Variants in MTCL1 observed in about 807,000 individuals in gnomAD.
The protein encoded by MTCL1 is microtubule cross-linking factor 1.
MTCL1 carries 79 observed loss-of-function variants against 141.4 expected under a neutral mutation model. The observed-to-expected ratio is 0.56, with a 90% confidence interval of 0.47 to 0.67. MTCL1 has a LOEUF of 0.67. Among genes scored for constraint, MTCL1 ranks in the 30% least tolerant of loss-of-function variants. The pLI, the probability that MTCL1 is intolerant of heterozygous loss-of-function variation, is 0.00. For synonymous variants in MTCL1, 914 were observed against 875.8 expected (o/e 1.04, Z -0.77); for missense variants, 2,177 against 2,113.9 (o/e 1.03, Z -0.59).
At chr18:8,827,225 G>T (rs938922820) in intron 15 of MTCL1, among the ~76,000 whole-genome samples, 1 of 152,220 alleles carries the variant, frequency 6.6e-6, no homozygotes, top group African/African-American at 2.4e-5. Context: ...CTGCTTCCTC[G>T]CCAGGACCCA....
intron 4 of MTCL1, among the ~76,000 whole-genome samples, chr18:8,757,437 C>T (rs1173376101): frequency 6.6e-6 from 1 of 152,122 alleles, no homozygotes; most frequent in Non-Finnish European, 1.5e-5. Context: ...ACAGGTGATT[C>T]ACCTCCAAAA....
chr18:8,825,419 A>C, exon 15 of MTCL1: 1 of 1,548,888 alleles, frequency 6.5e-7, no homozygotes. Flanking sequence ...GCGAGCTGCA[A>C]GTCAAGGACA....
Position 8,796,246 on chromosome 18 carries a change from C to T in MTCL1, c.2025C>T (p.His675=), listed in dbSNP as rs754372849. 2.0e-5 allele frequency: 33 copies of T among 1,614,018 alleles called. No homozygotes were observed. The African/African-American group carries it at 3.7e-4, about 18-fold the overall frequency. The change falls in exon 9 of 17, where the codon CAC becomes CAT. Residue 675 remains histidine, a synonymous_variant. Transcript: ENST00000359865. ...TTCCATTCAAGATGGAGGAGGAGCA[C>T]CTCTATGCCTTGAGGTGGAAAGAAC...
chr18:8,767,641 A>G (rs1297083943), intron 4 of MTCL1, among the ~76,000 whole-genome samples: 1 of 152,176 alleles, frequency 6.6e-6, no homozygotes, highest in Non-Finnish European at 1.5e-5. Flanking sequence ...GGGGTCCATC[A>G]GTCTTGTCCA....
At chr18:8,803,030 C>A (rs2076173345) in intron 10 of MTCL1, among the ~76,000 whole-genome samples, 1 of 152,006 alleles carries the variant, frequency 6.6e-6, no homozygotes, top group Non-Finnish European at 1.5e-5. Context: ...GGGGTACCAC[C>A]AGGGGAAGAA....
chr18:8,774,449 CTTTCTTTT>C, intron 4 of MTCL1, among the ~76,000 whole-genome samples: 1 of 71,998 alleles, frequency 1.4e-5, no homozygotes, highest in Non-Finnish European at 2.7e-5. Flanking sequence ...TCTGGTCTTT[CTTTCTTTT>C]CTTTCTTTTC....
At chr18:8,737,952 G>A (rs1035074978) in intron 4 of MTCL1, among the ~76,000 whole-genome samples, 2 of 152,168 alleles carry the variant, frequency 1.3e-5, no homozygotes, top group Non-Finnish European at 2.9e-5. Flanking sequence ...CAGTCTCGCC[G>A]GAGTGTGTTG....
In MTCL1 at chr18:8,825,216, A is replaced by C. The variant is rs751385475; in HGVS notation, c.3706A>C (p.Ser1236Arg). 2.5e-5 allele frequency: 40 copies of C among 1,595,968 alleles called. No individual in the cohort carries two copies. The highest frequency in any genetic ancestry group is 3.2e-5 in the Non-Finnish European group (38 of 1,171,528). Residue 1236 changes from serine (S) to arginine (R), a missense_variant, in exon 15 of 17, where the codon AGC becomes CGC. Coordinates refer to ENST00000359865, the Ensembl canonical transcript of MTCL1. ...GGGAGGCCCTCCAGAACCCATGCTC[A>C]GCAGGTGGCCTTGCACCTCCCCCAG...
chr18:8,738,612 A>C (rs1006058585), intron 4 of MTCL1, among the ~76,000 whole-genome samples: 1 of 152,192 alleles, frequency 6.6e-6, no homozygotes, highest in African/African-American at 2.4e-5. Context: ...TAGAAAATAG[A>C]GACACTTCTT....
Position 8,719,374 on chromosome 18 carries a change from C to T in MTCL1, c.198+726C>T, listed in dbSNP as rs563588375. ...TTTGTAATTCTACCAAAGTTATAAA[C>T]CACTGACAAAATGTCATTCAGTGTG... On this transcript the variant is annotated intron_variant, in intron 3 of 16. Transcript: ENST00000359865. Among the ~76,000 whole-genome samples, 11 of 152,256 alleles carry T rather than the reference C, an allele frequency of 7.2e-5. No homozygotes were observed. The East Asian group carries it at 1.9e-3, about 27-fold the overall frequency.
At chr18:8,781,452 A>G (rs1208914758) in intron 5 of MTCL1, among the ~76,000 whole-genome samples, 4 of 152,142 alleles carry the variant, frequency 2.6e-5, no homozygotes, top group African/African-American at 9.7e-5. Context: ...CCTTCATGTG[A>G]TAAGTTCTCA....
At chr18:8,815,537 G>A (rs1043707575) in intron 12 of MTCL1, among the ~76,000 whole-genome samples, 1 of 151,388 alleles carries the variant, frequency 6.6e-6, no homozygotes, top group Non-Finnish European at 1.5e-5. Context: ...GTTAATGGGT[G>A]CAGCACACCA....
At chr18:8,806,446 A>T (rs146888782) in intron 10 of MTCL1, among the ~76,000 whole-genome samples, 1 of 151,160 alleles carries the variant, frequency 6.6e-6, no homozygotes, top group East Asian at 2.0e-4. Flanking sequence ...CTGCACCCTC[A>T]TGACAGTCTT....
intron 1 of MTCL1, among the ~76,000 whole-genome samples, chr18:8,710,457 C>CTTTTTT (rs59830434): frequency 3.6e-4 from 44 of 121,772 alleles, no homozygotes; most frequent in African/African-American, 4.9e-4. Flanking sequence ...CAGGCACTTT[C>CTTTTTT]TTTTTTTTTT....
chr18:8,825,838 T>A (rs1405435580), exon 15 of MTCL1: 1 of 1,613,998 alleles, frequency 6.2e-7, no homozygotes. Context: ...AATGATGGCC[T>A]CTCCAGCCTC....
At chr18:8,740,369 GT>G (rs201448271) in intron 4 of MTCL1, among the ~76,000 whole-genome samples, 2,582 of 152,282 alleles carry the variant, frequency 0.017, 49 homozygotes, top group South Asian at 0.075. Flanking sequence ...CCAAACATCA[GT>G]TTTATTTGTA....
chr18:8,786,065 G>A (rs1393060582), exon 7 of MTCL1: 14 of 1,588,592 alleles, frequency 8.8e-6, no homozygotes, highest in East Asian at 6.8e-5. Flanking sequence ...CCACGGGCTG[G>A]GAGGCCAGAC....
chr18:8,785,856 C>T, intron 6 of MTCL1, 80 bp from the exon 6 acceptor site: 1 of 1,506,796 alleles, frequency 6.6e-7, no homozygotes, highest in Non-Finnish European at 8.9e-7. Flanking sequence ...CCTGCCTCCA[C>T]CCTTGTCCTT....
intron 4 of MTCL1, among the ~76,000 whole-genome samples, chr18:8,761,674 A>G (rs1274584000): frequency 6.6e-6 from 1 of 152,232 alleles, no homozygotes; most frequent in Non-Finnish European, 1.5e-5. Flanking sequence ...ATGGCTGGGG[A>G]GACCTTACAA....
Sources: gnomAD v4.1 joint callset for allele counts (sites outside exome capture counted in the v4.1 genomes callset) on GRCh38, gnomAD v4.1.1 for gene constraint, MANE v1.5 for transcripts, NCBI Gene and HGNC (gene_info 2026-07-23, HGNC 2026-07-21) for gene names.